The following NFIB variants were observed in gnomAD, a reference collection of about 807,000 sequenced individuals.
NFIB encodes the protein nuclear factor I B.
Under a neutral mutation model 61.5 loss-of-function variants are expected in NFIB, and 11 were observed. The observed-to-expected ratio is 0.18, with a 90% CI of 0.11 to 0.30. The LOEUF (loss-of-function observed/expected upper bound fraction) is 0.30, where lower values mean the gene tolerates loss of function less well. Ranked by LOEUF, NFIB falls within the 10% of genes least tolerant of loss-of-function variation. The pLI is 1.00. For missense variants in NFIB, 471 were observed against 608.9 expected (o/e 0.77, Z 2.38); for synonymous variants, 260 against 216.5 (o/e 1.20, Z -1.76).
intron 2 of NFIB, among the ~76,000 whole-genome samples, chr9:14,250,076 G>C (rs549007484): frequency 3.2e-4 from 49 of 152,248 alleles, no homozygotes; most frequent in African/African-American, 1.1e-3. Context: ...AACACACCAA[G>C]TTTTAAAACT....
At chr9:14,347,244 G>A (rs1313172296) in intron 1 of NFIB, 3 of 152,280 alleles carry the variant, frequency 2.0e-5, no homozygotes, top group Non-Finnish European at 4.4e-5. Flanking sequence ...AGGTGGGGGA[G>A]GAGGGGGCGG....
upstream of NFIB, among the ~76,000 whole-genome samples, chr9:14,399,168 T>C (rs1285446385): frequency 1.3e-5 from 2 of 152,244 alleles, no homozygotes; most frequent in Admixed American, 1.3e-4. Context: ...TGAATATATG[T>C]TGTTGGAATT....
intron 2 of NFIB, among the ~76,000 whole-genome samples, chr9:14,182,708 C>CTCTCTGTGTGTGTG (rs778914837): frequency 1.0e-4 from 10 of 97,000 alleles, no homozygotes; most frequent in African/African-American, 3.5e-4. Context: ...CTCTCTCTCT[C>CTCTCTGTGTGTGTG]TGTGTGTGTG....
At chr9:14,189,612 AT>A (rs761319470) in intron 2 of NFIB, among the ~76,000 whole-genome samples, 1 of 146,908 alleles carries the variant, frequency 6.8e-6, no homozygotes, top group Non-Finnish European at 1.5e-5. Flanking sequence ...AAAAAAAAAA[AT>A]CCCCACCTAC....
chr9:14,371,357 G>T (rs907032893), intron 1 of NFIB, among the ~76,000 whole-genome samples: 3 of 152,146 alleles, frequency 2.0e-5, no homozygotes, highest in Admixed American at 6.5e-5. Flanking sequence ...CTTAGGGTAG[G>T]CAGTCTAGAA....
intron 3 of NFIB, among the ~76,000 whole-genome samples, chr9:14,178,655 T>A (rs539095212): frequency 6.6e-6 from 1 of 152,224 alleles, no homozygotes; most frequent in South Asian, 2.1e-4. Context: ...AAAAATATAG[T>A]CTGTTTTGAT....
At chr9:14,469,228 G>A in the NFIB span, among the ~76,000 whole-genome samples, 6 of 152,186 alleles carry the variant, frequency 3.9e-5, no homozygotes, top group African/African-American at 1.4e-4. Flanking sequence ...AACCCTGTAA[G>A]ACTCAGTTTT....
the NFIB span, among the ~76,000 whole-genome samples, chr9:14,463,670 T>TCC: frequency 1.4e-5 from 1 of 69,036 alleles, no homozygotes; most frequent in African/African-American, 5.9e-5. Flanking sequence ...TTTTTTTTTT[T>TCC]TTTTTTTTTT....
chr9:14,165,988 T>C (rs530550885), intron 3 of NFIB, among the ~76,000 whole-genome samples: 1 of 152,288 alleles, frequency 6.6e-6, no homozygotes, highest in South Asian at 2.1e-4. Context: ...ATGGTTAAGA[T>C]GACAAATTTA....
intron 10 of NFIB, among the ~76,000 whole-genome samples, chr9:14,103,496 T>C (rs145652062): frequency 4.5e-4 from 69 of 152,262 alleles, no homozygotes; most frequent in African/African-American, 1.6e-3. Context: ...AGATGATGAC[T>C]GGAACCAAAG....
At chr9:14,302,270 C>G (rs2132658096) in intron 2 of NFIB, among the ~76,000 whole-genome samples, 1 of 152,330 alleles carries the variant, frequency 6.6e-6, no homozygotes, top group Non-Finnish European at 1.5e-5. Flanking sequence ...AATTCAGTAA[C>G]TGTAGGAAGA....
intron 7 of NFIB, among the ~76,000 whole-genome samples, chr9:14,123,290 G>C (rs1475495451): frequency 2.0e-5 from 3 of 151,344 alleles, no homozygotes; most frequent in Admixed American, 1.3e-4. Flanking sequence ...AATAAGAAAA[G>C]TAAAATACAA....
At chr9:14,516,540 T>C in the NFIB span, among the ~76,000 whole-genome samples, 2 of 152,220 alleles carry the variant, frequency 1.3e-5, no homozygotes, top group African/African-American at 4.8e-5. Flanking sequence ...CTCCTTGGCA[T>C]TGCATGGGAA....
chr9:14,496,161 A>G, the NFIB span, among the ~76,000 whole-genome samples: 2 of 152,226 alleles, frequency 1.3e-5, no homozygotes, highest in Non-Finnish European at 2.9e-5. Flanking sequence ...GTTTAAAACC[A>G]GAAGTGCTTC....
At chr9:14,421,296 G>T in the NFIB span, among the ~76,000 whole-genome samples, 1 of 152,116 alleles carries the variant, frequency 6.6e-6, no homozygotes, top group African/African-American at 2.4e-5. Flanking sequence ...AACAATGTCT[G>T]GCTCAATACA....
chr9:14,237,763 AGTGTGTGTGTGTGTGTGTGTGTGTGTGT>A (rs71321971), intron 2 of NFIB, among the ~76,000 whole-genome samples: 19,118 of 85,204 alleles, frequency 0.22, 1,634 homozygotes, highest in South Asian at 0.32. Flanking sequence ...TAGGTATAAC[AGTGTGTGTGTGTGTGTGTGTGTGTGTGT>A]GTGTGTGTGT....
At chr9:14,522,091 G>A in the NFIB span, among the ~76,000 whole-genome samples, 453 of 152,278 alleles carry the variant, frequency 3.0e-3, 4 homozygotes, top group African/African-American at 0.011. Context: ...GGCCTGCCTG[G>A]TCTAAGCTGA....
chr9:14,169,129 T>A (rs529317795), intron 3 of NFIB, among the ~76,000 whole-genome samples: 1 of 152,186 alleles, frequency 6.6e-6, no homozygotes, highest in Non-Finnish European at 1.5e-5. Context: ...GAAAAATCCA[T>A]TGCATTGAAA....
intron 2 of NFIB, among the ~76,000 whole-genome samples, chr9:14,207,778 C>A (rs1242581731): frequency 1.3e-5 from 2 of 152,076 alleles, no homozygotes; most frequent in African/African-American, 4.8e-5. Flanking sequence ...TGTACTTAAC[C>A]AGAGTTCAAG....
Sources: allele counts gnomAD v4.1 joint callset (sites outside exome capture counted in the v4.1 genomes callset), GRCh38; gene constraint gnomAD v4.1.1; transcripts MANE v1.5; gene names NCBI Gene and HGNC (gene_info 2026-07-23, HGNC 2026-07-21).